The following CYB5A variants were observed in gnomAD, a reference collection of about 807,000 sequenced individuals.
The protein encoded by CYB5A is cytochrome b5.
In CYB5A, 10 loss-of-function variants were observed where a neutral mutation model predicts 16.2. The ratio of observed to expected loss-of-function variants is 0.62; its 90% confidence interval spans 0.38 to 1.04. CYB5A has a LOEUF of 1.04. Ranked by LOEUF, CYB5A falls within the 50% of genes least tolerant of loss-of-function variation. The pLI is 0.01. For synonymous variants in CYB5A, 62 were observed against 57.0 expected, an observed-to-expected ratio of 1.09 and a Z score of -0.40; for missense variants, 161 against 165.9, an observed-to-expected ratio of 0.97 and a Z score of 0.16.
chr18:74,272,997 T>C (rs111478175), intron 1 of CYB5A, among the ~76,000 whole-genome samples: 52 of 152,330 alleles, frequency 3.4e-4, no homozygotes, highest in African/African-American at 1.3e-3. Flanking sequence ...AAATCTGTTG[T>C]CTGAACCTTT....
chr18:74,291,657 G>A, intron 1 of CYB5A, 90 bp downstream of exon 1: 1 of 1,587,534 alleles, frequency 6.3e-7, no homozygotes, highest in Non-Finnish European at 8.6e-7. Context: ...TAGGTATGCG[G>A]ACTCCGGGCC....
intron 1 of CYB5A, among the ~76,000 whole-genome samples, chr18:74,273,464 A>G (rs1256400325): frequency 6.6e-6 from 1 of 152,248 alleles, no homozygotes; most frequent in Non-Finnish European, 1.5e-5. Flanking sequence ...CCTTTAGACA[A>G]TGCTAACACA....
rs1982297365 is a variant in CYB5A, at chr18:74,263,451, C to T, written c.156G>A (p.Arg52=). The T allele has an allele frequency of 6.2e-7, 1 of 1,614,096 alleles. No homozygotes were observed. The highest frequency in any genetic ancestry group is 8.5e-7 in the Non-Finnish European group (1 of 1,180,010). ...EEHPGGEEVL[R]EQAGGDATEN... ...CAGTAGCGTCACCTCCAGCTTGTTC[C>T]CTTAAAACTTCTTCCCCACCAGGAT... The change falls in exon 2 of 5, where the codon AGG becomes AGA. Residue 52 remains arginine, a synonymous_variant. Transcript: ENST00000340533.
At chr18:74,268,229 G>A (rs1012300917) in intron 1 of CYB5A, among the ~76,000 whole-genome samples, 6 of 152,336 alleles carry the variant, frequency 3.9e-5, no homozygotes, top group African/African-American at 1.4e-4. Context: ...AAAGAGTTTA[G>A]TGCCATGAAG....
chr18:74,276,817 C>T (rs569542015), intron 1 of CYB5A, among the ~76,000 whole-genome samples: 73 of 152,252 alleles, frequency 4.8e-4, no homozygotes, highest in Non-Finnish European at 8.2e-4. Flanking sequence ...AGATGATTCC[C>T]GTGTCCCTCA....
At chr18:74,280,673 G>A (rs4891542) in intron 1 of CYB5A, among the ~76,000 whole-genome samples, 42,980 of 151,948 alleles carry the variant, frequency 0.28, 6,220 homozygotes, top group South Asian at 0.37. Context: ...CAAGGTTTAT[G>A]TTTTTGGTTA....
chr18:74,254,795 C>G (rs1981908995), intron 4 of CYB5A, among the ~76,000 whole-genome samples: 1 of 152,174 alleles, frequency 6.6e-6, no homozygotes, highest in African/African-American at 2.4e-5. Flanking sequence ...GCTGGGATTA[C>G]AGGCGTGAGC....
At chr18:74,287,254 T>C (rs1983355947) in intron 1 of CYB5A, among the ~76,000 whole-genome samples, 1 of 152,346 alleles carries the variant, frequency 6.6e-6, no homozygotes, top group Non-Finnish European at 1.5e-5. Flanking sequence ...TTTAGTAGCA[T>C]GAGATTCAGA....
intron 1 of CYB5A, among the ~76,000 whole-genome samples, chr18:74,290,394 C>T (rs1443730380): frequency 6.6e-6 from 1 of 151,942 alleles, no homozygotes; most frequent in African/African-American, 2.4e-5. Context: ...ACAGGCGTGC[C>T]CCGCCAGGCC....
Position 74,282,247 on chromosome 18 carries a change from G to A in CYB5A, c.129+9500C>T, listed in dbSNP as rs140454989. On this transcript the variant is annotated intron_variant, in intron 1 of 4. Transcript: ENST00000340533. ...AGAAGAGATCACACTAGCATGTGCC[G>A]TGTGTGGAAAAAGGGGGTAAAATAA... Among the ~76,000 whole-genome samples, 504 of 152,316 alleles carry A rather than the reference G, an allele frequency of 3.3e-3. 3 individuals carry two copies. Among genetic ancestry groups the A allele is most frequent in the Admixed American group, 8.8e-3 (135 of 15,306 alleles).
In CYB5A at chr18:74,291,736, C is replaced by A. The variant is rs150530087; in HGVS notation, c.129+11G>T. The A allele has an allele frequency of 0.01, 16,282 of 1,613,738 alleles. 310 individuals are homozygous for A. Among genetic ancestry groups the A allele is most frequent in the Admixed American group, 0.08 (4,786 of 60,018 alleles). ...GCTCCCTGCGCCCCAAGCCGCTCATCCCCAACTCACCTCTTCCAGAAATTT... is the reference window on the plus strand; with the variant it reads ...GCTCCCTGCGCCCCAAGCCGCTCATACCCAACTCACCTCTTCCAGAAATTT... On this transcript the variant is annotated intron_variant, in intron 1 of 4. Coordinates refer to ENST00000340533, the MANE Select transcript of CYB5A (RefSeq NM_148923.4).
At chr18:74,270,341 G>A (rs927515614) in intron 1 of CYB5A, among the ~76,000 whole-genome samples, 1 of 152,064 alleles carries the variant, frequency 6.6e-6, no homozygotes, top group Non-Finnish European at 1.5e-5. Flanking sequence ...GATTGCTTGA[G>A]GCAAGAAGTT....
chr18:74,253,053 TTAAACTA>T lies in CYB5A; in HGVS notation c.*524_*530del, dbSNP rs1981825526. 6.3e-6 allele frequency: 1 copy of T among 159,510 alleles called. No individual in the cohort carries two copies. Among genetic ancestry groups the T allele is most frequent in the Non-Finnish European group, 1.4e-5 (1 of 72,656 alleles). The allele number at this position is 159,510 out of a possible 1,614,324, so 9.9% of individuals were successfully genotyped here. ...CAAGTAGGACAATTATTAGAAATCCTTAAACTATAATTTCTGGCCTTTCTTAATTTCC... is the reference window on the plus strand; with the variant it reads ...CAAGTAGGACAATTATTAGAAATCCTTAATTTCTGGCCTTTCTTAATTTCC... On this transcript the variant is annotated 3_prime_UTR_variant, in exon 5 of 5. Coordinates refer to ENST00000340533, the MANE Select transcript of CYB5A (RefSeq NM_148923.4).
intron 1 of CYB5A, among the ~76,000 whole-genome samples, chr18:74,280,897 G>C (rs1219365130): frequency 6.6e-6 from 1 of 152,198 alleles, no homozygotes; most frequent in African/African-American, 2.4e-5. Context: ...AAATGGGGCA[G>C]TGTAATCAGC....
At chr18:74,274,486 A>T (rs1384870535) in intron 1 of CYB5A, among the ~76,000 whole-genome samples, 1 of 152,230 alleles carries the variant, frequency 6.6e-6, no homozygotes, top group Non-Finnish European at 1.5e-5. Flanking sequence ...TCTTAGTGTG[A>T]AGGCAATAAT....
intron 1 of CYB5A, 98 bp downstream of exon 1, chr18:74,291,649 G>C (rs1327404648): frequency 1.9e-6 from 3 of 1,562,348 alleles, no homozygotes; most frequent in Non-Finnish European, 2.6e-6. Context: ...CCTAGGCGTA[G>C]GTATGCGGAC....
At chr18:74,256,682 C>A in intron 3 of CYB5A, 1 of 740,394 alleles carries the variant, frequency 1.4e-6, no homozygotes, top group Non-Finnish European at 2.3e-6. Context: ...CTGCAGTTTC[C>A]CAAAGCAAAG....
intron 2 of CYB5A, 130 bp from the exon 3 acceptor site, chr18:74,261,074 T>G (rs1459013221): frequency 2.7e-6 from 2 of 747,276 alleles, no homozygotes; most frequent in Non-Finnish European, 4.7e-6. Flanking sequence ...CATTTAGCTA[T>G]TAAACACAAA....
intron 3 of CYB5A, chr18:74,256,962 A>G: frequency 1.1e-6 from 1 of 916,540 alleles, no homozygotes; most frequent in South Asian, 1.4e-5. Flanking sequence ...ATTCATAACT[A>G]CAGCAAGAGG....
Sources: gnomAD v4.1 joint callset for allele counts (sites outside exome capture counted in the v4.1 genomes callset) on GRCh38, gnomAD v4.1.1 for gene constraint, MANE v1.5 for transcripts, NCBI Gene and HGNC (gene_info 2026-07-23, HGNC 2026-07-21) for gene names.